Variants in TELO2 observed in about 807,000 individuals in gnomAD.
The protein encoded by TELO2 is telomere maintenance 2.
In TELO2, 71 loss-of-function variants were observed where a neutral mutation model predicts 91.0. That is an observed-to-expected ratio of 0.78 (90% CI 0.64 to 0.95). The LOEUF is 0.95. Among genes scored for constraint, TELO2 ranks in the 40% least tolerant of loss-of-function variants. The probability of loss-of-function intolerance (pLI) is 0.00; values close to 1 mark genes in which losing one functional copy is unlikely to be tolerated. For missense variants in TELO2, 1,183 were observed against 1,141.3 expected, an observed-to-expected ratio of 1.04 and a Z score of -0.53; for synonymous variants, 584 against 518.9, an observed-to-expected ratio of 1.13 and a Z score of -1.71.
chr16:1,502,498 C>T (rs956999543), intron 13 of TELO2, 94 bp downstream of exon 13: 79 of 1,507,840 alleles, frequency 5.2e-5, no homozygotes, highest in Non-Finnish European at 6.6e-5. Context: ...ATATGGCTCC[C>T]GTGTGTGACA....
Position 1,502,970 on chromosome 16 carries a change from T to C in TELO2, c.1810T>C (p.Tyr604His). The C allele has an allele frequency of 6.2e-7, 1 of 1,611,308 alleles. No individual in the cohort carries two copies. The highest frequency in any genetic ancestry group is 8.5e-7 in the Non-Finnish European group (1 of 1,179,892). The change falls in exon 15 of 21, where the codon TAC becomes CAC. Residue 604 changes from tyrosine to histidine, a missense_variant. By Grantham distance (83) the Tyr-to-His change is moderately conservative (BLOSUM62 2). Transcript: ENST00000262319. ...YLTSQFYALN[Y>H]SLRQRMDILD... is the part of the protein sequence containing the mutation. ...GACCTCACAGTTCTATGCCCTCAAC[T>C]ACAGCCTCCGGCAGCGCATGGACAT... is the stretch of plus-strand genomic sequence containing the variant.
chr16:1,505,753 T>C lies in TELO2; in HGVS notation c.2034+152T>C, dbSNP rs1443654100. 2.7e-6 allele frequency: 3 copies of C among 1,102,120 alleles called. No individual in the cohort carries two copies. The African/African-American group carries it at 4.8e-5, about 18-fold the overall frequency. The allele number at this position is 1,102,120 out of a possible 1,614,324, so 68.3% of individuals were successfully genotyped here. A position where few individuals can be genotyped will look rare whatever the true frequency, so the allele number is the denominator to read the frequency against. ...CGGGATTCCTGAAAGGCAGGGTCCA[T>C]GGTTTGCACCGAGGAACTGGATTTT... is the stretch of plus-strand genomic sequence containing the variant. On this transcript the variant is annotated intron_variant, in intron 16 of 20. Coordinates refer to ENST00000262319, the MANE Select transcript of TELO2 (RefSeq NM_016111.4). The surrounding 1 kb of genome is among the most constrained non-coding windows in gnomAD (Gnocchi z 4.3).
intron 9 of TELO2, among the ~76,000 whole-genome samples, 153 bp from the exon 10 acceptor site, chr16:1,501,267 G>A (rs532512362): frequency 1.2e-4 from 19 of 152,322 alleles, no homozygotes; most frequent in African/African-American, 3.8e-4. Context: ...TTAGAAAGTC[G>A]CTTTTAAAAA....
intron 8 of TELO2, 33 bp from the exon 9 acceptor site, chr16:1,500,530 G>A (rs761383471): frequency 1.8e-5 from 29 of 1,609,976 alleles, no homozygotes; most frequent in South Asian, 1.7e-4. Context: ...CGGGCGCCCC[G>A]AGGTGCTCAG....
intron 20 of TELO2, 95 bp downstream of exon 20, chr16:1,507,811 GGTGTGTGTGT>G: frequency 1.1e-6 from 1 of 877,432 alleles, no homozygotes; most frequent in Non-Finnish European, 1.6e-6. Context: ...GTCGGCCCGG[GGTGTGTGTGT>G]GTGTGTGTGT....
chr16:1,506,616 C>T (rs1291060001), intron 17 of TELO2: 2 of 1,388,014 alleles, frequency 1.4e-6, no homozygotes, highest in African/African-American at 1.5e-5. Flanking sequence ...CTGGGCCCTG[C>T]TCGCCTCCTC....
intron 7 of TELO2, 35 bp from the exon 8 acceptor site, chr16:1,500,312 G>C (rs774328798): frequency 1.3e-6 from 2 of 1,550,734 alleles, no homozygotes; most frequent in African/African-American, 1.4e-5. Flanking sequence ...GACTGGCCCC[G>C]AGCCCCACAC....
chr16:1,495,499 G>A lies in TELO2; in HGVS notation c.489G>A (p.Leu163=), dbSNP rs1247912395. ...RETLLGKVVA[L]PDHLGNRLQQ... ...CGCTGCTGGGCAAGGTGGTGGCCCT[G>A]CCCGATCACCTGGGCAACCGCCTGC... Residue 163 remains leucine (L), a synonymous_variant, in exon 3 of 21, where the codon CTG becomes CTA. Coordinates refer to ENST00000262319, the MANE Select transcript of TELO2 (RefSeq NM_016111.4). 3 of 1,610,888 alleles carry A rather than the reference G, an allele frequency of 1.9e-6. No individual in the cohort carries two copies. The highest frequency in any genetic ancestry group is 2.5e-6 in the Non-Finnish European group (3 of 1,179,822).
chr16:1,502,389 C>G lies in TELO2; in HGVS notation c.1638C>G (p.Pro546=). Reference sequence around the variant, plus strand: ...TTGAGGGCCTGGTCTACAGGAGCCCCACAGCCACTCGGGAGGTGAGTGGGG... The same window carrying G: ...TTGAGGGCCTGGTCTACAGGAGCCCGACAGCCACTCGGGAGGTGAGTGGGG... ...RALEGLVYRS[P]TATREVSVEL... Residue 546 remains proline, a synonymous_variant, in exon 13 of 21, where the codon CCC becomes CCG. Transcript: ENST00000262319. 6.2e-7 allele frequency: 1 copy of G among 1,600,276 alleles called. No individual in the cohort carries two copies. The highest frequency in any genetic ancestry group is 8.5e-7 in the Non-Finnish European group (1 of 1,175,366).
rs1210728944 is a variant in TELO2, at chr16:1,494,425, G to C, written c.144G>C (p.Pro48=). The change falls in exon 2 of 21, where the codon CCG becomes CCC. Residue 48 remains proline, a synonymous_variant. Coordinates refer to ENST00000262319, the MANE Select transcript of TELO2 (RefSeq NM_016111.4). This position sits in a 1 kb window ranked among gnomAD's most constrained non-coding sequence, Gnocchi z 5.6. ...GTGAGATGGAGCCTCCAGCGCTCCCGAGGGAGAAGGAGGAGTTTGCCTCGG... is the reference window on the plus strand; with the variant it reads ...GTGAGATGGAGCCTCCAGCGCTCCCCAGGGAGAAGGAGGAGTTTGCCTCGG... The part of the protein sequence containing the change: ...YLGEMEPPAL[P]REKEEFASAH... 6.2e-7 allele frequency: 1 copy of C among 1,613,472 alleles called. No homozygotes were observed. Among genetic ancestry groups the C allele is most frequent in the South Asian group, 1.1e-5 (1 of 91,068 alleles).
chr16:1,506,194 G>T (rs1184984038), intron 16 of TELO2, 44 bp from the exon 17 acceptor site: 1 of 1,605,134 alleles, frequency 6.2e-7, no homozygotes, highest in Non-Finnish European at 8.5e-7. Context: ...CGTGCCCGCT[G>T]CCCAAGCCTG....
chr16:1,496,011 G>A (rs1050954869), intron 3 of TELO2, among the ~76,000 whole-genome samples: 1 of 152,224 alleles, frequency 6.6e-6, no homozygotes, highest in Non-Finnish European at 1.5e-5. Flanking sequence ...TGCTCGCTCT[G>A]TTTTCCCTGG....
At chr16:1,507,461 A>G in intron 19 of TELO2, 91 bp downstream of exon 19, 1 of 1,539,596 alleles carries the variant, frequency 6.5e-7, no homozygotes, top group South Asian at 1.1e-5. Context: ...GAGGTGGCTG[A>G]CAGGCAGCCT....
At chr16:1,503,778 G>T (rs371677218) in intron 15 of TELO2, among the ~76,000 whole-genome samples, 1 of 152,190 alleles carries the variant, frequency 6.6e-6, no homozygotes, top group East Asian at 1.9e-4. Flanking sequence ...GGCGAGGGCG[G>T]AGGTGATGGT....
At chr16:1,498,321 G>T (rs1186200085) in intron 5 of TELO2, among the ~76,000 whole-genome samples, 1 of 152,178 alleles carries the variant, frequency 6.6e-6, no homozygotes, top group Non-Finnish European at 1.5e-5. Flanking sequence ...GGCTGACTTT[G>T]CATTCTTGAT....
intron 5 of TELO2, among the ~76,000 whole-genome samples, chr16:1,498,951 G>A (rs1399543022): frequency 1.3e-5 from 2 of 152,040 alleles, no homozygotes; most frequent in African/African-American, 2.4e-5. Flanking sequence ...GGGTGGACCC[G>A]CCTCCGCCCG....
intron 20 of TELO2, among the ~76,000 whole-genome samples, chr16:1,508,907 G>A (rs2040010815): frequency 6.6e-6 from 1 of 152,196 alleles, no homozygotes; most frequent in African/African-American, 2.4e-5. Context: ...CCAAAGCGTG[G>A]GGAGTGCTGT....
chr16:1,500,521 G>A (rs769858147), intron 8 of TELO2, 33 bp downstream of exon 8: 87 of 1,609,556 alleles, frequency 5.4e-5, no homozygotes, highest in African/African-American at 1.1e-4. Context: ...CCCCGGCCTC[G>A]GGCGCCCCGA....
At chr16:1,500,272 C>T (rs2039629597) in intron 7 of TELO2, 75 bp from the exon 8 acceptor site, 2 of 1,532,872 alleles carry the variant, frequency 1.3e-6, no homozygotes, top group South Asian at 1.2e-5. Flanking sequence ...GCGGAGCTCC[C>T]TCAGAGTGGC....
Sources: allele counts gnomAD v4.1 joint callset (sites outside exome capture counted in the v4.1 genomes callset), GRCh38; gene constraint gnomAD v4.1.1; non-coding constraint Gnocchi (gnomAD v3.1); transcripts MANE v1.5; gene names NCBI Gene and HGNC (gene_info 2026-07-23, HGNC 2026-07-21).